The following MPP7 variants were observed in gnomAD, a reference collection of about 807,000 sequenced individuals.
MPP7 encodes the protein MAGUK p55 scaffold protein 7.
In MPP7, 60 loss-of-function variants were observed where a neutral mutation model predicts 76.5. The ratio of observed to expected loss-of-function variants is 0.78; its 90% CI spans 0.64 to 0.97. MPP7 has a LOEUF of 0.97. MPP7 is among the 50% of genes least tolerant of loss of function. The pLI, the probability that MPP7 is intolerant of heterozygous loss-of-function variation, is 0.00. For missense variants in MPP7, 641 were observed against 694.0 expected, an observed-to-expected ratio of 0.92 and a Z score of 0.86; for synonymous variants, 237 against 244.5, an observed-to-expected ratio of 0.97 and a Z score of 0.29.
intron 6 of MPP7, among the ~76,000 whole-genome samples, chr10:28,128,921 A>G (rs970798171): frequency 4.6e-5 from 7 of 152,206 alleles, no homozygotes; most frequent in Non-Finnish European, 5.9e-5. Context: ...AAGCACTCCA[A>G]CGCATAAGGG....
intron 1 of MPP7, among the ~76,000 whole-genome samples, chr10:28,257,608 G>A (rs1422605671): frequency 2.7e-5 from 3 of 109,866 alleles, no homozygotes; most frequent in African/African-American, 1.0e-4. Flanking sequence ...GGTGGGGGGA[G>A]GGGGGAGGGA....
chr10:28,218,841 A>T (rs1838401200), intron 2 of MPP7, among the ~76,000 whole-genome samples: 1 of 152,246 alleles, frequency 6.6e-6, no homozygotes, highest in Non-Finnish European at 1.5e-5. Context: ...TTAAATACCC[A>T]GCACGACCTA....
At chr10:28,127,123 C>G (rs1457111769) in intron 6 of MPP7, among the ~76,000 whole-genome samples, 1 of 152,150 alleles carries the variant, frequency 6.6e-6, no homozygotes, top group Non-Finnish European at 1.5e-5. Context: ...TTAAGTGGAA[C>G]CAATCTCTCT....
intron 2 of MPP7, among the ~76,000 whole-genome samples, chr10:28,321,847 A>G (rs1834371516): frequency 6.6e-6 from 1 of 152,016 alleles, no homozygotes; most frequent in Non-Finnish European, 1.5e-5. Context: ...TGGCTTCCCA[A>G]AGTGCTGAGA....
intron 1 of MPP7, among the ~76,000 whole-genome samples, chr10:28,285,709 C>A (rs528860770): frequency 6.6e-6 from 1 of 152,190 alleles, no homozygotes; most frequent in South Asian, 2.1e-4. Context: ...CAGGCCACCA[C>A]CTACGAAGTA....
At chr10:28,211,065 T>A (rs1243179233) in intron 2 of MPP7, among the ~76,000 whole-genome samples, 1 of 152,170 alleles carries the variant, frequency 6.6e-6, no homozygotes, top group Non-Finnish European at 1.5e-5. Context: ...GAACCCATGC[T>A]ACACTGCAGG....
At position 28,089,762 on chromosome 10, in the gene MPP7, A is replaced by T; in HGVS notation, c.1032T>A (p.Asp344Glu). 6.2e-7 allele frequency: 1 copy of T among 1,611,772 alleles called. No homozygotes were observed. The highest frequency in any genetic ancestry group is 8.5e-7 in the Non-Finnish European group (1 of 1,178,054). Residue 344 changes from aspartate to glutamate, a missense_variant, in exon 12 of 17, where the codon GAT becomes GAA. Asp to Glu is a conservative substitution (Grantham distance 45). Transcript: ENST00000683449. ...NKSMYECKKS[D>E]QYDTADVPTY... ...TGGGTACGTCAGCTGTGTCGTACTG[A>T]TCACTCTTCTTGCATTCATACATGG...
At chr10:28,220,483 G>GT (rs1458221652) in intron 2 of MPP7, among the ~76,000 whole-genome samples, 6 of 152,152 alleles carry the variant, frequency 3.9e-5, no homozygotes, top group Non-Finnish European at 8.8e-5. Context: ...GATATTCATA[G>GT]TAAGATAGGA....
chr10:28,169,528 A>T (rs1836607510), intron 3 of MPP7, among the ~76,000 whole-genome samples: 1 of 150,856 alleles, frequency 6.6e-6, no homozygotes, highest in South Asian at 2.1e-4. Flanking sequence ...TAAAAAAAAT[A>T]ATTAATACAC....
At chr10:28,071,778 C>G (rs1010138853) in intron 12 of MPP7, among the ~76,000 whole-genome samples, 1 of 152,112 alleles carries the variant, frequency 6.6e-6, no homozygotes, top group African/African-American at 2.4e-5. Context: ...TTTAAAAGAT[C>G]AGGAGCTATT....
chr10:28,266,860 G>C (rs1295784444), intron 1 of MPP7, among the ~76,000 whole-genome samples: 3 of 152,168 alleles, frequency 2.0e-5, no homozygotes, highest in Non-Finnish European at 4.4e-5. Context: ...TATGTCTCTA[G>C]TTTCCAGTGC....
At chr10:28,262,077 G>C (rs1371370412) in intron 1 of MPP7, among the ~76,000 whole-genome samples, 2 of 150,096 alleles carry the variant, frequency 1.3e-5, no homozygotes, top group African/African-American at 2.5e-5. Context: ...CTTGAACTTG[G>C]GACCAGAGGT....
chr10:28,169,409 G>C (rs1208619319), intron 3 of MPP7, among the ~76,000 whole-genome samples: 2 of 152,120 alleles, frequency 1.3e-5, no homozygotes, highest in Non-Finnish European at 2.9e-5. Context: ...GAACCCAGGA[G>C]TGAGGCTGAT....
intron 11 of MPP7, among the ~76,000 whole-genome samples, chr10:28,115,601 C>T (rs1834642842): frequency 2.0e-5 from 3 of 152,338 alleles, no homozygotes; most frequent in African/African-American, 4.8e-5. Context: ...GCTTACTCAA[C>T]TTGAAAAGCT....
intron 2 of MPP7, among the ~76,000 whole-genome samples, chr10:28,228,649 A>C (rs1838776607): frequency 1.3e-5 from 2 of 152,138 alleles, no homozygotes; most frequent in South Asian, 4.1e-4. Context: ...CTGTAATCCC[A>C]GCTACTCGGG....
At chr10:28,170,953 A>T (rs895431798) in intron 3 of MPP7, among the ~76,000 whole-genome samples, 2 of 152,198 alleles carry the variant, frequency 1.3e-5, no homozygotes, top group African/African-American at 4.8e-5. Flanking sequence ...ATATCAGTAT[A>T]TCATATAATA....
chr10:28,245,955 C>A (rs931181063), intron 1 of MPP7, among the ~76,000 whole-genome samples: 1 of 150,524 alleles, frequency 6.6e-6, no homozygotes, highest in Non-Finnish European at 1.5e-5. Flanking sequence ...AGAGCAAAAG[C>A]GAAAAAACAA....
intron 11 of MPP7, among the ~76,000 whole-genome samples, chr10:28,104,086 A>G (rs1853961456): frequency 6.6e-6 from 1 of 152,214 alleles, no homozygotes; most frequent in Non-Finnish European, 1.5e-5. Context: ...AGGAATACAA[A>G]AAGAAAAGAG....
At chr10:28,085,804 A>C (rs2133428355) in intron 12 of MPP7, among the ~76,000 whole-genome samples, 1 of 152,286 alleles carries the variant, frequency 6.6e-6, no homozygotes, top group South Asian at 2.1e-4. Context: ...TTGCAATAGG[A>C]TTGATATCAC....
Sources: allele counts gnomAD v4.1 joint callset (sites outside exome capture counted in the v4.1 genomes callset), GRCh38; gene constraint gnomAD v4.1.1; transcripts MANE v1.5; gene names NCBI Gene and HGNC (gene_info 2026-07-23, HGNC 2026-07-21).